The following KCNQ5 variants were observed in gnomAD, a reference collection of about 807,000 sequenced individuals.
KCNQ5 encodes the protein potassium voltage-gated channel subfamily KQT member 5.
KCNQ5 carries 30 observed loss-of-function variants against 98.2 expected under a neutral mutation model. The observed-to-expected ratio is 0.31, with a 90% CI of 0.23 to 0.41. The LOEUF (loss-of-function observed/expected upper bound fraction) is 0.41. Ranked by LOEUF, KCNQ5 falls within the 10% of genes least tolerant of loss-of-function variation. The pLI is 1.00. For synonymous variants in KCNQ5, 458 were observed against 449.4 expected (o/e 1.02, Z -0.24); for missense variants, 835 against 1,182.5 (o/e 0.71, Z 4.31).
At chr6:72,623,637 CT>C (rs983798683) in intron 1 of KCNQ5, among the ~76,000 whole-genome samples, 1 of 151,884 alleles carries the variant, frequency 6.6e-6, no homozygotes, top group Admixed American at 6.6e-5. Context: ...GTGTCTAATT[CT>C]TTTTTTCTTC....
rs1020335365 is a variant in KCNQ5, at chr6:72,953,471, A to G, written c.399-50437A>G. Among the ~76,000 whole-genome samples the G allele has an allele frequency of 5.9e-5, 9 of 152,210 alleles. No homozygotes were observed. In the South Asian group the frequency reaches 8.3e-4, roughly 14 times the overall value. ...GACATCAACAAATTGTAAAATGTTT[A>G]ATGACTGAAACAACAATTATACTTA... is the stretch of plus-strand genomic sequence containing the variant. On this transcript the variant is annotated intron_variant, in intron 1 of 13. Coordinates refer to ENST00000370398, the MANE Select transcript of KCNQ5 (RefSeq NM_019842.4).
chr6:72,885,738 A>G (rs1237893103), intron 1 of KCNQ5, among the ~76,000 whole-genome samples: 1 of 152,204 alleles, frequency 6.6e-6, no homozygotes, highest in African/African-American at 2.4e-5. Flanking sequence ...AGCTTAGATC[A>G]CACATGCACA....
chr6:73,004,433 C>T (rs1365456182), intron 2 of KCNQ5, among the ~76,000 whole-genome samples: 1 of 152,074 alleles, frequency 6.6e-6, no homozygotes, highest in East Asian at 1.9e-4. Flanking sequence ...ACATATGGCA[C>T]CTCATAAGAA....
chr6:72,860,665 T>G (rs1777726139), intron 1 of KCNQ5, among the ~76,000 whole-genome samples: 1 of 152,206 alleles, frequency 6.6e-6, no homozygotes, highest in Admixed American at 6.5e-5. Context: ...TACAAGAACT[T>G]TAATCAATAG....
chr6:72,797,087 T>A (rs779487515), intron 1 of KCNQ5, among the ~76,000 whole-genome samples: 1 of 152,252 alleles, frequency 6.6e-6, no homozygotes, highest in African/African-American at 2.4e-5. Context: ...TCAGCAAAGC[T>A]TCATGAACAT....
At chr6:73,040,784 T>C (rs1771653765) in intron 2 of KCNQ5, among the ~76,000 whole-genome samples, 2 of 152,210 alleles carry the variant, frequency 1.3e-5, no homozygotes, top group Admixed American at 1.3e-4. Context: ...TATCATCACA[T>C]GCTCTAATTA....
intron 8 of KCNQ5, among the ~76,000 whole-genome samples, chr6:73,121,326 G>T (rs1218620432): frequency 6.8e-6 from 1 of 147,932 alleles, no homozygotes; most frequent in Admixed American, 6.7e-5. Flanking sequence ...TTACCACAGA[G>T]ATCTGTAATT....
intron 1 of KCNQ5, among the ~76,000 whole-genome samples, chr6:72,982,960 G>T (rs537849036): frequency 6.6e-6 from 1 of 152,284 alleles, no homozygotes; most frequent in Non-Finnish European, 1.5e-5. Context: ...GAAATTCTGG[G>T]TTGAAAATTC....
Position 73,133,524 on chromosome 6 carries a change from G to A in KCNQ5, c.1351G>A (p.Asp451Asn), listed in dbSNP as rs771840502. 47 of 1,614,030 alleles carry A rather than the reference G, an allele frequency of 2.9e-5. No homozygotes were observed. The Admixed American group carries it at 5.5e-4, about 19-fold the overall frequency. The change falls in exon 10 of 14, where the codon GAC becomes AAC. Residue 451 changes from aspartate (D) to asparagine (N), a missense_variant. Asp to Asn is a conservative substitution (Grantham distance 23). Transcript: ENST00000370398. The stretch of plus-strand genomic sequence containing the variant: ...AGGTGACAGGAGGTCCCCAAGCACC[G>A]ACATCACAGCCGAGGGCAGTCCCAC... ...SVGDRRSPSTDITAEGSPTKV... is the reference protein window; with the variant it reads ...SVGDRRSPSTNITAEGSPTKV...
intron 2 of KCNQ5, among the ~76,000 whole-genome samples, chr6:73,023,758 C>T (rs914759736): frequency 3.3e-5 from 5 of 152,146 alleles, no homozygotes; most frequent in Admixed American, 2.0e-4. Flanking sequence ...ATGATGGAAG[C>T]AAAATTGGGG....
intron 1 of KCNQ5, among the ~76,000 whole-genome samples, chr6:72,911,455 T>A (rs1386306173): frequency 6.6e-6 from 1 of 152,098 alleles, no homozygotes; most frequent in Non-Finnish European, 1.5e-5. Flanking sequence ...TAGATTTTCA[T>A]CCTCTAGAAC....
rs1765812720 is a variant in KCNQ5 at position 73,197,026 on chromosome 6, T to C, written c.*1612T>C. The C allele has an allele frequency of 6.6e-6, 1 of 152,102 alleles. No homozygotes were observed. The highest frequency in any genetic ancestry group is 2.4e-5 in the African/African-American group (1 of 41,408). 9.4% of individuals were successfully genotyped at this position (152,102 alleles called of 1,614,324 possible). On this transcript the variant is annotated 3_prime_UTR_variant, in exon 14 of 14. Transcript: ENST00000370398. The stretch of plus-strand genomic sequence containing the variant: ...AAGTTGTTTCCTTGGCAGACATAAA[T>C]GCTGCCTCCAGAAGTACTTCTCCAG...
intron 1 of KCNQ5, among the ~76,000 whole-genome samples, chr6:72,829,169 C>T (rs1220296633): frequency 6.6e-6 from 1 of 152,096 alleles, no homozygotes; most frequent in East Asian, 1.9e-4. Context: ...TACCCTGCTC[C>T]AAGAGCCCCA....
chr6:73,147,873 A>C (rs1776986330), intron 10 of KCNQ5, among the ~76,000 whole-genome samples: 3 of 152,180 alleles, frequency 2.0e-5, no homozygotes, highest in Admixed American at 2.0e-4. Context: ...AGCAATAAGC[A>C]AGTGTTTGAG....
chr6:72,703,082 G>A (rs921262123), intron 1 of KCNQ5, among the ~76,000 whole-genome samples: 5 of 152,108 alleles, frequency 3.3e-5, no homozygotes, highest in African/African-American at 4.8e-5. Flanking sequence ...CTAGACCCCC[G>A]CAGTGGCTCC....
chr6:73,000,534 G>T (rs576987015), intron 1 of KCNQ5, among the ~76,000 whole-genome samples: 6 of 152,242 alleles, frequency 3.9e-5, no homozygotes, highest in Non-Finnish European at 4.4e-5. Context: ...ATTTCCACGT[G>T]GATGTCTAAA....
chr6:72,981,054 G>C (rs1162209778), intron 1 of KCNQ5, among the ~76,000 whole-genome samples: 1 of 152,040 alleles, frequency 6.6e-6, no homozygotes, highest in African/African-American at 2.4e-5. Context: ...CTGCTGATTT[G>C]GTTTGCCAGT....
intron 2 of KCNQ5, among the ~76,000 whole-genome samples, chr6:73,038,812 T>C (rs1404668542): frequency 2.6e-5 from 4 of 151,770 alleles, no homozygotes; most frequent in African/African-American, 9.7e-5. Context: ...TGTTTTGCTT[T>C]GTTTTATTGT....
intron 1 of KCNQ5, chr6:72,987,370 G>A (rs564809185): frequency 3.3e-5 from 24 of 719,290 alleles, no homozygotes; most frequent in African/African-American, 2.3e-4. Context: ...GAGATCGATC[G>A]AGAGTCAGGC....
Sources: gnomAD v4.1 joint callset for allele counts (sites outside exome capture counted in the v4.1 genomes callset) on GRCh38, gnomAD v4.1.1 for gene constraint, MANE v1.5 for transcripts, NCBI Gene and HGNC (gene_info 2026-07-23, HGNC 2026-07-21) for gene names.